INPP4B: variants seen among roughly 807,000 people sequenced by gnomAD.
INPP4B encodes the protein inositol polyphosphate 4-phosphatase type II.
In INPP4B, 55 loss-of-function variants were observed where a neutral mutation model predicts 122.5. That is an observed-to-expected ratio of 0.45 (90% CI 0.36 to 0.56). INPP4B has a LOEUF of 0.56. Ranked by LOEUF, INPP4B falls within the 20% of genes least tolerant of loss-of-function variation. The pLI is 0.00. For missense variants in INPP4B, 1,000 were observed against 1,097.7 expected (o/e 0.91, Z 1.26); for synonymous variants, 403 against 388.7 (o/e 1.04, Z -0.43).
At chr4:142,241,296 A>G (rs1463423801) in intron 11 of INPP4B, among the ~76,000 whole-genome samples, 1 of 152,166 alleles carries the variant, frequency 6.6e-6, no homozygotes, top group African/African-American at 2.4e-5. Context: ...TATCAAAAGA[A>G]AAGTAGTTGA....
intron 1 of INPP4B, among the ~76,000 whole-genome samples, chr4:142,783,270 C>T (rs1050155770): frequency 3.3e-5 from 5 of 152,010 alleles, no homozygotes; most frequent in African/African-American, 1.2e-4. Context: ...ACTCATCTGA[C>T]AAAGGGCTAA....
chr4:142,716,280 G>T (rs1763749732), intron 2 of INPP4B, among the ~76,000 whole-genome samples: 1 of 152,280 alleles, frequency 6.6e-6, no homozygotes, highest in Middle Eastern at 3.4e-3. Flanking sequence ...TCAAATAAAA[G>T]AAACCTTAGT....
intron 3 of INPP4B, among the ~76,000 whole-genome samples, chr4:142,431,930 C>T (rs964432447): frequency 6.6e-6 from 1 of 152,002 alleles, no homozygotes; most frequent in Non-Finnish European, 1.5e-5. Context: ...GAGTCTTTTG[C>T]TGCTCTACTT....
At chr4:142,537,471 GAT>G (rs1828414604) in intron 2 of INPP4B, among the ~76,000 whole-genome samples, 2 of 85,904 alleles carry the variant, frequency 2.3e-5, no homozygotes, top group African/African-American at 4.1e-5. Context: ...GAGAGAGAGA[GAT>G]ACACATACAC....
chr4:142,284,293 G>A (rs1412766747), intron 9 of INPP4B, among the ~76,000 whole-genome samples: 1 of 152,048 alleles, frequency 6.6e-6, no homozygotes, highest in African/African-American at 2.4e-5. Flanking sequence ...ATCTAGCAGA[G>A]AAAATAATTT....
chr4:142,464,248 A>C (rs1817298167), intron 2 of INPP4B, among the ~76,000 whole-genome samples: 1 of 152,212 alleles, frequency 6.6e-6, no homozygotes, highest in Non-Finnish European at 1.5e-5. Context: ...TATCAGGAAT[A>C]GTTTTCAAAT....
At chr4:142,837,593 G>T (rs1782953524) in intron 1 of INPP4B, among the ~76,000 whole-genome samples, 1 of 152,110 alleles carries the variant, frequency 6.6e-6, no homozygotes, top group Non-Finnish European at 1.5e-5. Flanking sequence ...TTGTCTATAA[G>T]AAGGGCTCAA....
At chr4:142,327,251 T>C (rs1561858194) in intron 7 of INPP4B, among the ~76,000 whole-genome samples, 1 of 152,092 alleles carries the variant, frequency 6.6e-6, no homozygotes, top group Non-Finnish European at 1.5e-5. Context: ...CTGAAAGTCA[T>C]TAGTCCCAAC....
At chr4:142,352,548 T>C (rs1782250406) in intron 7 of INPP4B, among the ~76,000 whole-genome samples, 1 of 151,702 alleles carries the variant, frequency 6.6e-6, no homozygotes, top group African/African-American at 2.4e-5. Flanking sequence ...TATGTGTACA[T>C]GTCTTACCAG....
chr4:142,823,615 G>A (rs536521188), intron 1 of INPP4B, among the ~76,000 whole-genome samples: 2 of 152,168 alleles, frequency 1.3e-5, no homozygotes, highest in East Asian at 3.9e-4. Flanking sequence ...CGTCATATAA[G>A]TCATTAAATA....
chr4:142,213,409 A>G (rs1845701262), intron 12 of INPP4B, among the ~76,000 whole-genome samples: 1 of 152,188 alleles, frequency 6.6e-6, no homozygotes, highest in Non-Finnish European at 1.5e-5. Context: ...TCCTGGGTCC[A>G]TGCATATTCC....
Position 142,305,548 on chromosome 4 carries a change from CAGAA to C in INPP4B, c.424-15_424-12del. On this transcript the variant is annotated splice_polypyrimidine_tract_variant and intron_variant, in intron 8 of 25. Transcript: ENST00000262992. ...GCCCAAGAAACTTCGCTGAAAATAA[CAGAA>C]AGAATGGTTTCATTAACTTGAGGTT... 1.2e-6 allele frequency: 2 copies of C among 1,607,530 alleles called. No individual in the cohort carries two copies. The highest frequency in any genetic ancestry group is 1.7e-6 in the Non-Finnish European group (2 of 1,177,088).
intron 7 of INPP4B, among the ~76,000 whole-genome samples, chr4:142,382,792 T>G (rs1034135259): frequency 6.6e-6 from 1 of 150,822 alleles, no homozygotes; most frequent in Non-Finnish European, 1.5e-5. Context: ...TCTAGATATT[T>G]CAATCATAGT....
At chr4:142,723,248 T>A (rs1764918056) in intron 2 of INPP4B, among the ~76,000 whole-genome samples, 1 of 152,012 alleles carries the variant, frequency 6.6e-6, no homozygotes, top group South Asian at 2.1e-4. Flanking sequence ...CCAGAAAAAA[T>A]TCAATATATG....
intron 25 of INPP4B, among the ~76,000 whole-genome samples, chr4:142,062,507 G>A (rs148149823): frequency 0.011 from 1,688 of 152,168 alleles, 39 homozygotes; most frequent in African/African-American, 0.039. Context: ...AGGCTGAGGC[G>A]GGTGGATCAC....
At chr4:142,030,659 A>ATGAAAATAATCTGATAACTACATCTTT (rs2152269019) in intron 25 of INPP4B, among the ~76,000 whole-genome samples, 2 of 152,304 alleles carry the variant, frequency 1.3e-5, no homozygotes, top group East Asian at 3.9e-4. Flanking sequence ...GGATTAGCTC[A>ATGAAAATAATCTGATAACTACATCTTT]TGAAAATAAT....
Position 142,729,587 on chromosome 4 carries a change from G to A in INPP4B, c.-253-3686C>T, listed in dbSNP as rs530629856. 3.9e-5 allele frequency among the ~76,000 whole-genome samples: 6 copies of A among 152,252 alleles called. No homozygotes were observed. The East Asian group carries it at 1.2e-3, about 29-fold the overall frequency. Reference sequence around the variant, plus strand: ...TTACTTTCTGCTCACTAAGCAAGAAGGCTCCCTCTTTGGGACAGGCACAAA... The same window carrying A: ...TTACTTTCTGCTCACTAAGCAAGAAAGCTCCCTCTTTGGGACAGGCACAAA... On this transcript the variant is annotated intron_variant, in intron 1 of 25. Transcript: ENST00000262992.
chr4:142,251,458 T>A (rs1462065514), intron 11 of INPP4B, among the ~76,000 whole-genome samples: 7 of 152,216 alleles, frequency 4.6e-5, no homozygotes, highest in Admixed American at 4.6e-4. Flanking sequence ...AGGAGGACCC[T>A]TTGATAATAC....
chr4:142,257,090 A>G lies in INPP4B; in HGVS notation c.688+3402T>C, dbSNP rs1409668635. The stretch of plus-strand genomic sequence containing the variant: ...AAATGTAATCCAGCATATAAACAGA[A>G]CCAAAGACAAAAACCACATGATTAT... On this transcript the variant is annotated intron_variant, in intron 11 of 25. Transcript: ENST00000262992. 7.9e-5 allele frequency among the ~76,000 whole-genome samples: 12 copies of G among 152,288 alleles called. No individual in the cohort carries two copies. In the East Asian group the frequency reaches 9.6e-4, roughly 12 times the overall value.
Sources: allele counts gnomAD v4.1 joint callset (sites outside exome capture counted in the v4.1 genomes callset), GRCh38; gene constraint gnomAD v4.1.1; transcripts MANE v1.5; gene names NCBI Gene and HGNC (gene_info 2026-07-23, HGNC 2026-07-21).